Variants in SREBF2 observed in about 807,000 individuals in gnomAD.
SREBF2 encodes sterol regulatory element-binding protein 2.
A neutral mutation model predicts 113.1 loss-of-function variants in SREBF2; 55 were observed. The ratio of observed to expected loss-of-function variants is 0.49; its 90% CI spans 0.39 to 0.61. The LOEUF is 0.61. Ranked by LOEUF, SREBF2 falls within the 20% of genes least tolerant of loss-of-function variation. The pLI is 0.00. For synonymous variants in SREBF2, 593 were observed against 605.7 expected (o/e 0.98, Z 0.31); for missense variants, 1,349 against 1,487.4 (o/e 0.91, Z 1.53).
intron 11 of SREBF2, among the ~76,000 whole-genome samples, chr22:41,891,730 G>C (rs1602338091): frequency 6.6e-6 from 1 of 152,182 alleles, no homozygotes; most frequent in South Asian, 2.1e-4. Context: ...CCTCGGCCTG[G>C]CAGCCCCGCC....
At chr22:41,859,391 T>C (rs968589459) in intron 1 of SREBF2, among the ~76,000 whole-genome samples, 5 of 152,294 alleles carry the variant, frequency 3.3e-5, no homozygotes, top group African/African-American at 1.2e-4. Flanking sequence ...CTGATGAAGC[T>C]GGTAGATGTT....
At chr22:41,859,205 C>T (rs1479271007) in intron 1 of SREBF2, among the ~76,000 whole-genome samples, 3 of 151,688 alleles carry the variant, frequency 2.0e-5, no homozygotes, top group African/African-American at 7.3e-5. Context: ...TATATAAATA[C>T]CACAATGAAA....
In SREBF2 at chr22:41,873,902, G is replaced by A; in HGVS notation, c.972G>A (p.Glu324=). The A allele has an allele frequency of 6.2e-7, 1 of 1,614,064 alleles. No homozygotes were observed. The highest frequency in any genetic ancestry group is 8.5e-7 in the Non-Finnish European group (1 of 1,180,002). The change falls in exon 5 of 19, where the codon GAG becomes GAA. Residue 324 remains glutamate (E), a synonymous_variant. Coordinates refer to ENST00000361204, the MANE Select transcript of SREBF2 (RefSeq NM_004599.4). ...TACCTGGGGGAGTCAAGCAGCTTGAGCCCCCCAAAGAAGGAGAAAGGCGGA... is the reference window on the plus strand; with the variant it reads ...TACCTGGGGGAGTCAAGCAGCTTGAACCCCCCAAAGAAGGAGAAAGGCGGA... The part of the protein sequence containing the change: ...KQVPGGVKQL[E]PPKEGERRTT...
In SREBF2 at chr22:41,833,115, G is replaced by A. The variant is rs2076726875; in HGVS notation, c.-156G>A. 2 of 533,296 alleles carry A rather than the reference G, an allele frequency of 3.8e-6. No individual in the cohort carries two copies. Among genetic ancestry groups the A allele is most frequent in the Non-Finnish European group, 6.2e-6 (2 of 321,134 alleles). 33.0% of individuals were successfully genotyped at this position (533,296 alleles called of 1,614,324 possible). On this transcript the variant is annotated 5_prime_UTR_variant, in exon 1 of 19. Coordinates refer to ENST00000361204, the MANE Select transcript of SREBF2 (RefSeq NM_004599.4). This position sits in a 1 kb window ranked among gnomAD's most constrained non-coding sequence, Gnocchi z 4.1. ...GAATCCCGCCCCGCCCTTTCTGTGC[G>A]GCGCCCGGGCGCAACGCAAACATGG... is the stretch of plus-strand genomic sequence containing the variant.
rs2077237286 is a variant in SREBF2 at position 41,880,769 on chromosome 22, C to T, written c.1815C>T (p.Gly605=). 2 of 1,614,040 alleles carry T rather than the reference C, an allele frequency of 1.2e-6. No individual in the cohort carries two copies. Among genetic ancestry groups the T allele is most frequent in the African/African-American group, 1.3e-5 (1 of 74,928 alleles). Residue 605 remains glycine, a synonymous_variant, in exon 10 of 19, where the codon GGC becomes GGT. Coordinates refer to ENST00000361204, the MANE Select transcript of SREBF2 (RefSeq NM_004599.4). ...TACAAACCTGCCTGGCAGTTTTGGG[C>T]CGGGCACTGCCCACCTCCCGCCTGG... ...GNLQTCLAVL[G]RALPTSRLDL...
intron 10 of SREBF2, among the ~76,000 whole-genome samples, chr22:41,882,762 C>T (rs2077260474): frequency 6.6e-6 from 1 of 152,140 alleles, no homozygotes; most frequent in South Asian, 2.1e-4. Context: ...GCCAAGATGG[C>T]ACCACTGCAT....
intron 13 of SREBF2, among the ~76,000 whole-genome samples, chr22:41,895,340 C>G (rs755196099): frequency 6.6e-5 from 10 of 151,156 alleles, no homozygotes; most frequent in Non-Finnish European, 1.5e-4. Flanking sequence ...GAGGTTTCAC[C>G]ATGTTAGCCA....
rs1340665805 is a variant in SREBF2 at position 41,868,932 on chromosome 22, A to G, written c.720+140A>G. The G allele has an allele frequency of 2.8e-6, 3 of 1,053,570 alleles. No individual in the cohort carries two copies. In the African/African-American group the frequency reaches 4.7e-5, roughly 17 times the overall value. The allele number at this position is 1,053,570 out of a possible 1,614,324, so 65.3% of individuals were successfully genotyped here. A position where few individuals can be genotyped will look rare whatever the true frequency, so the allele number is the denominator to read the frequency against. ...TGTAGGGCGCCAGGATGCACCTGTG[A>G]GCAGCGTATAGTGACCTGGCTGAGT... On this transcript the variant is annotated intron_variant, in intron 3 of 18. Coordinates refer to ENST00000361204, the MANE Select transcript of SREBF2 (RefSeq NM_004599.4).
At chr22:41,898,912 A>G in intron 15 of SREBF2, 131 bp downstream of exon 15, 2 of 1,371,318 alleles carry the variant, frequency 1.5e-6, no homozygotes, top group Non-Finnish European at 2.0e-6. Context: ...GGGCGGCTAG[A>G]AAAGTCGGGG....
At chr22:41,897,265 C>T in intron 14 of SREBF2, 104 bp downstream of exon 14, 2 of 676,128 alleles carry the variant, frequency 3.0e-6, no homozygotes, top group South Asian at 3.7e-5. Flanking sequence ...ATGCCAGCAT[C>T]TTCTCTGGAT....
At chr22:41,868,541 G>A in intron 2 of SREBF2, 70 bp from the exon 3 acceptor site, 1 of 1,551,206 alleles carries the variant, frequency 6.4e-7, no homozygotes, top group Non-Finnish European at 8.9e-7. Flanking sequence ...CCATCCTCAG[G>A]TTTCTGCTGC....
intron 16 of SREBF2, among the ~76,000 whole-genome samples, chr22:41,901,169 T>G (rs368157045): frequency 1.3e-5 from 2 of 152,150 alleles, no homozygotes. Flanking sequence ...CATCACCTGG[T>G]CTACGGGGAA....
chr22:41,841,325 G>T (rs961528416), intron 1 of SREBF2, among the ~76,000 whole-genome samples: 23 of 152,164 alleles, frequency 1.5e-4, no homozygotes, highest in African/African-American at 5.3e-4. Flanking sequence ...ATATATGAGG[G>T]TTGCTAACGT....
At chr22:41,873,764 G>A (rs1288268417) in intron 4 of SREBF2, 34 bp from the exon 5 acceptor site, 3 of 1,564,928 alleles carry the variant, frequency 1.9e-6, no homozygotes, top group African/African-American at 1.3e-5. Flanking sequence ...ACTAACAAAG[G>A]GATCATTCTG....
intron 10 of SREBF2, among the ~76,000 whole-genome samples, chr22:41,884,086 G>T (rs1044535714): frequency 6.6e-6 from 1 of 152,086 alleles, no homozygotes; most frequent in Admixed American, 6.5e-5. Context: ...CTCAGTTTAC[G>T]TCACTTCCCC....
chr22:41,873,284 T>C (rs1191141558), intron 4 of SREBF2, among the ~76,000 whole-genome samples: 3 of 152,154 alleles, frequency 2.0e-5, no homozygotes, highest in African/African-American at 7.2e-5. Flanking sequence ...ACCTCCATGG[T>C]TGGCCTATTT....
Position 41,900,509 on chromosome 22 carries a change from G to T in SREBF2, c.2907+11G>T. 6.2e-7 allele frequency: 1 copy of T among 1,611,762 alleles called. No homozygotes were observed. The highest frequency in any genetic ancestry group is 8.5e-7 in the Non-Finnish European group (1 of 1,178,890). ...CCTGCCCTCAACCACGTGAGTGGGA[G>T]CTGAGTTGGCCCCTGGGGGAGGTGC... On this transcript the variant is annotated intron_variant, in intron 16 of 18. Transcript: ENST00000361204.
At chr22:41,839,854 C>T (rs1247319522) in intron 1 of SREBF2, among the ~76,000 whole-genome samples, 1 of 151,604 alleles carries the variant, frequency 6.6e-6, no homozygotes, top group African/African-American at 2.4e-5. Flanking sequence ...GCTGTGTGGA[C>T]ATATATGTTC....
In SREBF2 at chr22:41,867,244, C is replaced by T; in HGVS notation, c.502C>T (p.Pro168Ser). 1.9e-6 allele frequency: 3 copies of T among 1,614,198 alleles called. No individual in the cohort carries two copies. Among genetic ancestry groups the T allele is most frequent in the Non-Finnish European group, 2.5e-6 (3 of 1,180,042 alleles). Reference sequence around the variant, plus strand: ...TCCGCAGACGAGGATCATCCAGCAGCCTTTGATATACCAGAATGCAGCTAC... The same window carrying T: ...TCCGCAGACGAGGATCATCCAGCAGTCTTTGATATACCAGAATGCAGCTAC... The part of the protein sequence containing the change: ...TTPQTRIIQQ[P>S]LIYQNAATSF... Residue 168 changes from proline to serine, a missense_variant, in exon 2 of 19, where the codon CCT becomes TCT. By Grantham distance (74) the Pro-to-Ser change is moderately conservative. Around this residue, in one of 2 missense-constraint regions of SREBF2, gnomAD observed 699 missense variants for 843.3 expected, o/e 0.83. Coordinates refer to ENST00000361204, the MANE Select transcript of SREBF2 (RefSeq NM_004599.4).
Sources: allele counts gnomAD v4.1 joint callset (sites outside exome capture counted in the v4.1 genomes callset), GRCh38; gene constraint gnomAD v4.1.1; regional missense constraint gnomAD v4.1.1; non-coding constraint Gnocchi (gnomAD v3.1); transcripts MANE v1.5; gene names NCBI Gene and HGNC (gene_info 2026-07-23, HGNC 2026-07-21).